GPR155: variants seen among roughly 807,000 people sequenced by gnomAD.
GPR155 encodes lysosomal cholesterol signaling protein.
Under a neutral mutation model 93.1 loss-of-function variants are expected in GPR155, and 65 were observed. That is an observed-to-expected ratio of 0.70 (90% CI 0.57 to 0.86). The LOEUF (loss-of-function observed/expected upper bound fraction) is 0.86, where lower values mean the gene tolerates loss of function less well. Ranked by LOEUF, GPR155 falls within the 40% of genes least tolerant of loss-of-function variation. GPR155 has a pLI of 0.00. For synonymous variants in GPR155, 319 were observed against 360.1 expected, an observed-to-expected ratio of 0.89 and a Z score of 1.29; for missense variants, 838 against 1,034.8, an observed-to-expected ratio of 0.81 and a Z score of 2.61.
intron 1 of GPR155, among the ~76,000 whole-genome samples, chr2:174,485,643 C>T (rs1338570007): frequency 2.0e-5 from 3 of 150,172 alleles, no homozygotes; most frequent in African/African-American, 7.3e-5. Context: ...CATGAGGTTT[C>T]TTTTAACGTT....
At chr2:174,483,962 T>C (rs967029182) in intron 1 of GPR155, among the ~76,000 whole-genome samples, 44 of 152,268 alleles carry the variant, frequency 2.9e-4, no homozygotes, top group African/African-American at 1.0e-3. Flanking sequence ...AGTAAAAAGC[T>C]CATGCTTCCA....
intron 13 of GPR155, 61 bp downstream of exon 13, chr2:174,445,020 C>T (rs1395494913): frequency 2.5e-6 from 2 of 812,102 alleles, no homozygotes; most frequent in Non-Finnish European, 4.3e-6. Flanking sequence ...TCCCCCGACC[C>T]CCTACCAATC....
chr2:174,451,142 T>G (rs1489538011), intron 11 of GPR155, among the ~76,000 whole-genome samples: 1 of 151,914 alleles, frequency 6.6e-6, no homozygotes, highest in Non-Finnish European at 1.5e-5. Context: ...AAACCCCGTC[T>G]CTACTAAAAA....
At chr2:174,443,595 A>C (rs1687030006) in intron 13 of GPR155, among the ~76,000 whole-genome samples, 1 of 152,112 alleles carries the variant, frequency 6.6e-6, no homozygotes, top group Non-Finnish European at 1.5e-5. Context: ...TGGGCATGGT[A>C]GCAGGTGCCT....
At chr2:174,465,510 T>TCA (rs1265485317) in intron 7 of GPR155, among the ~76,000 whole-genome samples, 1 of 152,090 alleles carries the variant, frequency 6.6e-6, no homozygotes, top group Non-Finnish European at 1.5e-5. Context: ...CCCTCTTGTC[T>TCA]CCAAAAGGGA....
chr2:174,448,532 T>TG (rs1559101618), intron 11 of GPR155, among the ~76,000 whole-genome samples: 3 of 105,138 alleles, frequency 2.9e-5, no homozygotes, highest in Admixed American at 1.8e-4. Flanking sequence ...TGTTTTTTGT[T>TG]TTTTTTTTTT....
At chr2:174,467,406 A>G (rs1687870575) in intron 5 of GPR155, among the ~76,000 whole-genome samples, 1 of 152,020 alleles carries the variant, frequency 6.6e-6, no homozygotes, top group Non-Finnish European at 1.5e-5. Flanking sequence ...GCTTGAACCC[A>G]GGAGGGAGAA....
intron 10 of GPR155, among the ~76,000 whole-genome samples, chr2:174,457,293 CAGAGAAAGACTTTGTTTCAAAAGAAGAGA>C (rs1205562337): frequency 2.6e-5 from 4 of 152,070 alleles, no homozygotes; most frequent in Non-Finnish European, 4.4e-5. Flanking sequence ...GCCTGAGAGA[CAGAGAAAGACTTTGTTTCAAAAGAAGAGA>C]AGAGAAAGAC....
intron 13 of GPR155, among the ~76,000 whole-genome samples, chr2:174,442,648 T>C (rs1438265695): frequency 1.3e-5 from 2 of 152,156 alleles, no homozygotes; most frequent in Non-Finnish European, 2.9e-5. Flanking sequence ...AGTTCAAGGA[T>C]TTGTGAGTGT....
In GPR155 at chr2:174,434,210, A is replaced by G. The variant is rs1017506161; in HGVS notation, c.*1906T>C. The G allele has an allele frequency of 4.0e-5, 6 of 150,620 alleles. No individual in the cohort carries two copies. The highest frequency in any genetic ancestry group is 1.9e-4 in the East Asian group (1 of 5,148). 9.3% of individuals were successfully genotyped at this position (150,620 alleles called of 1,614,324 possible). On this transcript the variant is annotated 3_prime_UTR_variant, in exon 16 of 16. Coordinates refer to ENST00000392552, the MANE Select transcript of GPR155 (RefSeq NM_152529.7). ...GGTCTCGAACTCCTGGGCTGAAGCA[A>G]TTCACCTGCCTCGGCCTCCCAAAGT... is the stretch of plus-strand genomic sequence containing the variant.
intron 2 of GPR155, among the ~76,000 whole-genome samples, chr2:174,473,972 T>C (rs1688073123): frequency 6.6e-6 from 1 of 152,120 alleles, no homozygotes; most frequent in Non-Finnish European, 1.5e-5. Context: ...CAGTTAAATA[T>C]TTTCCAGATG....
chr2:174,475,645 G>A (rs962018768), intron 2 of GPR155, among the ~76,000 whole-genome samples: 10 of 152,220 alleles, frequency 6.6e-5, no homozygotes, highest in Admixed American at 2.6e-4. Flanking sequence ...AGATATGCTA[G>A]TTATATAAAG....
rs1688051978 is a variant in GPR155, at chr2:174,473,304, G to T, written c.521C>A (p.Pro174Gln). The T allele has an allele frequency of 6.2e-7, 1 of 1,602,796 alleles. No individual in the cohort carries two copies. Among genetic ancestry groups the T allele is most frequent in the Non-Finnish European group, 8.5e-7 (1 of 1,172,692 alleles). The change falls in exon 3 of 16, where the codon CCA becomes CAA. Residue 174 changes from proline (P) to glutamine (Q), a missense_variant. Pro to Gln is a moderately conservative substitution (Grantham distance 76, BLOSUM62 -1). Transcript: ENST00000392552. ...EYLQYIYLVA[P>Q]ISLMMLNPIG... is the part of the protein sequence containing the mutation. ...AGGGTTTAACATCATAAGAGATATT[G>T]GTGCCACCAAATAAATGTACTGGAG... is the stretch of plus-strand genomic sequence containing the variant.
chr2:174,457,391 T>C (rs1687550884), intron 10 of GPR155, among the ~76,000 whole-genome samples: 1 of 152,228 alleles, frequency 6.6e-6, no homozygotes. Flanking sequence ...TAAGTTAATA[T>C]ATTTGATTAC....
rs1687692261 is a variant in GPR155, at chr2:174,461,468, A to T, written c.1494T>A (p.Val498=). 6.2e-7 allele frequency: 1 copy of T among 1,613,178 alleles called. No homozygotes were observed. Among genetic ancestry groups the T allele is most frequent in the African/African-American group, 1.3e-5 (1 of 74,922 alleles). ...GWGIPALLVG[V]LLITGKHNGD... ...CATTGTGTTTTCCAGTTATCAAAAGAACACCAACAAGGAGAGCAGGAATTC... is the reference window on the plus strand; with the variant it reads ...CATTGTGTTTTCCAGTTATCAAAAGTACACCAACAAGGAGAGCAGGAATTC... The change falls in exon 9 of 16, where the codon GTT becomes GTA. Residue 498 remains valine, a synonymous_variant. Transcript: ENST00000392552.
intron 15 of GPR155, among the ~76,000 whole-genome samples, chr2:174,439,293 G>A (rs1325196537): frequency 6.6e-6 from 1 of 151,948 alleles, no homozygotes; most frequent in Non-Finnish European, 1.5e-5. Context: ...TGGTAGTATA[G>A]TATTTATTCA....
At chr2:174,449,610 C>T (rs778868976) in intron 11 of GPR155, among the ~76,000 whole-genome samples, 7 of 152,112 alleles carry the variant, frequency 4.6e-5, no homozygotes, top group Admixed American at 3.3e-4. Context: ...TTTGGGAGGA[C>T]AAGGCGGGCA....
rs1688344879 is a variant in GPR155 at position 174,482,177 on chromosome 2, T to C, written c.-31-190A>G. On this transcript the variant is annotated intron_variant, in intron 1 of 15. Coordinates refer to ENST00000392552, the MANE Select transcript of GPR155 (RefSeq NM_152529.7). Reference sequence around the variant, plus strand: ...AGGGAAAATACAATGGAAAAAAAAGTGGGGGGTTGCTAACAATAATCGCTT... The same window carrying C: ...AGGGAAAATACAATGGAAAAAAAAGCGGGGGGTTGCTAACAATAATCGCTT... Among the ~76,000 whole-genome samples the C allele has an allele frequency of 2.6e-5, 4 of 151,994 alleles. No individual in the cohort carries two copies. In the South Asian group the frequency reaches 8.3e-4, roughly 32 times the overall value.
chr2:174,447,415 TTA>T, intron 11 of GPR155, among the ~76,000 whole-genome samples: 1 of 146,412 alleles, frequency 6.8e-6, no homozygotes, highest in East Asian at 2.0e-4. Context: ...TATATATTAG[TTA>T]TATAAATAAT....
Sources: gnomAD v4.1 joint callset for allele counts (sites outside exome capture counted in the v4.1 genomes callset) on GRCh38, gnomAD v4.1.1 for gene constraint, MANE v1.5 for transcripts, NCBI Gene and HGNC (gene_info 2026-07-23, HGNC 2026-07-21) for gene names.